The following TASP1 variants were observed in gnomAD, a reference collection of about 807,000 sequenced individuals.
TASP1 encodes taspase 1, also known as threonine aspartase 1.
TASP1 carries 16 observed loss-of-function variants against 56.6 expected under a neutral mutation model. That is an observed-to-expected ratio of 0.28 (90% CI 0.19 to 0.43). The LOEUF (loss-of-function observed/expected upper bound fraction) is 0.43, where lower values mean the gene tolerates loss of function less well. Ranked by LOEUF, TASP1 falls within the 20% of genes least tolerant of loss-of-function variation. The pLI is 1.00. For synonymous variants in TASP1, 179 were observed against 184.2 expected (o/e 0.97, Z 0.23); for missense variants, 393 against 511.6 (o/e 0.77, Z 2.24).
At chr20:13,118,965 T>G in the TASP1 span, among the ~76,000 whole-genome samples, 1 of 152,210 alleles carries the variant, frequency 6.6e-6, no homozygotes, top group Non-Finnish European at 1.5e-5. Flanking sequence ...CAAAGCATTG[T>G]TTTTCATCCC....
the TASP1 span, among the ~76,000 whole-genome samples, chr20:13,282,225 G>A: frequency 2.6e-3 from 401 of 152,182 alleles, 1 homozygote; most frequent in African/African-American, 9.0e-3. Context: ...CCCAGGCATC[G>A]TTGTCTTTTA....
chr20:13,467,198 C>CACACG (rs1252546469), intron 11 of TASP1, among the ~76,000 whole-genome samples: 1 of 151,128 alleles, frequency 6.6e-6, no homozygotes, highest in African/African-American at 2.4e-5. Context: ...CACACACACA[C>CACACG]ACACACACAC....
chr20:13,360,430 A>G, the TASP1 span, among the ~76,000 whole-genome samples: 76 of 152,060 alleles, frequency 5.0e-4, no homozygotes, highest in East Asian at 0.013. Flanking sequence ...ATCGTGTCCA[A>G]CTGATCTCTC....
intron 11 of TASP1, among the ~76,000 whole-genome samples, chr20:13,442,583 A>T (rs2043258148): frequency 6.6e-6 from 1 of 151,938 alleles, no homozygotes; most frequent in Non-Finnish European, 1.5e-5. Flanking sequence ...TGGAGGTTGC[A>T]GTGAGCCGAT....
At chr20:13,513,210 AG>A (rs2044401722) in intron 10 of TASP1, among the ~76,000 whole-genome samples, 1 of 152,170 alleles carries the variant, frequency 6.6e-6, no homozygotes. Context: ...AAAAAAGTAA[AG>A]GGTTCCTGAA....
At chr20:13,286,401 A>T in the TASP1 span, among the ~76,000 whole-genome samples, 1 of 151,988 alleles carries the variant, frequency 6.6e-6, no homozygotes, top group African/African-American at 2.4e-5. Flanking sequence ...ACTGTGTGAT[A>T]CCCAATAAGA....
At chr20:13,143,145 T>C in the TASP1 span, among the ~76,000 whole-genome samples, 2 of 152,114 alleles carry the variant, frequency 1.3e-5, no homozygotes, top group Admixed American at 6.5e-5. Context: ...TAGGAATATA[T>C]GGAGGACATG....
chr20:13,248,656 A>C, the TASP1 span, among the ~76,000 whole-genome samples: 1 of 152,102 alleles, frequency 6.6e-6, no homozygotes, highest in Non-Finnish European at 1.5e-5. Context: ...CTTTCAGTTC[A>C]CTTCTTTTCG....
chr20:13,456,373 A>G (rs998978692), intron 11 of TASP1, among the ~76,000 whole-genome samples: 1 of 152,086 alleles, frequency 6.6e-6, no homozygotes, highest in African/African-American at 2.4e-5. Flanking sequence ...CTCATCAAAC[A>G]AGGGCAATTT....
chr20:13,142,806 A>G, the TASP1 span, among the ~76,000 whole-genome samples: 6 of 152,272 alleles, frequency 3.9e-5, no homozygotes, highest in African/African-American at 1.4e-4. Flanking sequence ...TCTGGCTGTC[A>G]ATGGGAACAC....
At chr20:13,343,235 A>G in the TASP1 span, among the ~76,000 whole-genome samples, 1 of 152,214 alleles carries the variant, frequency 6.6e-6, no homozygotes, top group Non-Finnish European at 1.5e-5. Flanking sequence ...AGAGGCCAGG[A>G]TCAGGTAAGT....
At chr20:13,552,767 T>C (rs943729249) in intron 8 of TASP1, among the ~76,000 whole-genome samples, 3 of 152,220 alleles carry the variant, frequency 2.0e-5, no homozygotes, top group Non-Finnish European at 2.9e-5. Context: ...AGGAGGCAAG[T>C]ACTGTTCAAA....
At chr20:13,219,397 C>T in the TASP1 span, among the ~76,000 whole-genome samples, 37 of 152,132 alleles carry the variant, frequency 2.4e-4, no homozygotes, top group Admixed American at 7.2e-4. Flanking sequence ...GCTGGGATCC[C>T]CTCTTTGATC....
chr20:13,288,124 TC>T, the TASP1 span, among the ~76,000 whole-genome samples: 124 of 152,278 alleles, frequency 8.1e-4, no homozygotes, highest in Admixed American at 2.4e-3. Context: ...GGCCTTAAGG[TC>T]AAGGCCAGCC....
intron 8 of TASP1, among the ~76,000 whole-genome samples, chr20:13,556,784 C>G (rs2046173619): frequency 6.6e-6 from 1 of 152,216 alleles, no homozygotes; most frequent in African/African-American, 2.4e-5. Context: ...GATGTCACCT[C>G]AAATGTTATC....
chr20:13,173,992 C>A, the TASP1 span, among the ~76,000 whole-genome samples: 1 of 152,148 alleles, frequency 6.6e-6, no homozygotes, highest in African/African-American at 2.4e-5. Context: ...CAAAGCTATT[C>A]TTCTGTGACA....
rs758068144 is a variant in TASP1 at position 13,417,437 on chromosome 20, T to A, written c.1170+11A>T. On this transcript the variant is annotated intron_variant, in intron 13 of 13. Transcript: ENST00000337743. ...AAGGTTTTCAGGTTATGACCGTTTTTTCCCACTTACCTTGGCTTTCCCATC... is the reference window on the plus strand; with the variant it reads ...AAGGTTTTCAGGTTATGACCGTTTTATCCCACTTACCTTGGCTTTCCCATC... The A allele has an allele frequency of 1.7e-5, 28 of 1,614,136 alleles. 1 individual carries two copies. In the South Asian group the frequency reaches 2.9e-4, roughly 16 times the overall value.
At chr20:13,121,146 G>A in the TASP1 span, among the ~76,000 whole-genome samples, 1 of 152,186 alleles carries the variant, frequency 6.6e-6, no homozygotes, top group East Asian at 1.9e-4. Context: ...CAAGGATCTT[G>A]AGTCCACCTG....
At chr20:13,604,963 T>C (rs1489996293) in intron 4 of TASP1, among the ~76,000 whole-genome samples, 1 of 147,848 alleles carries the variant, frequency 6.8e-6, no homozygotes, top group Admixed American at 6.9e-5. Flanking sequence ...TAAATTCACA[T>C]AAAGTCTACA....
Sources: allele counts gnomAD v4.1 joint callset (sites outside exome capture counted in the v4.1 genomes callset), GRCh38; gene constraint gnomAD v4.1.1; transcripts MANE v1.5; gene names NCBI Gene and HGNC (gene_info 2026-07-23, HGNC 2026-07-21).